Variants in CEP112 observed in about 807,000 individuals in gnomAD.
CEP112 encodes the protein centrosomal protein 112.
In CEP112, 127 loss-of-function variants were observed where a neutral mutation model predicts 153.0. The ratio of observed to expected loss-of-function variants is 0.83; its 90% CI spans 0.72 to 0.96. The LOEUF is 0.96. CEP112 is among the 40% of genes least tolerant of loss of function. The pLI is 0.00. For missense variants in CEP112, 1,089 were observed against 1,101.2 expected, an observed-to-expected ratio of 0.99 and a Z score of 0.16; for synonymous variants, 358 against 374.4, an observed-to-expected ratio of 0.96 and a Z score of 0.51.
At position 66,072,415 on chromosome 17, in the gene CEP112, T is replaced by C. The variant is rs907045835; in HGVS notation, c.769-2414A>G. The stretch of plus-strand genomic sequence containing the variant: ...ACCAAGAATCACGCATTGCTTTTAG[T>C]TGTCACATCAACTATTTATTTCTCC... On this transcript the variant is annotated intron_variant, in intron 8 of 26. Coordinates refer to ENST00000535342, the MANE Select transcript of CEP112 (RefSeq NM_001199165.4). Among the ~76,000 whole-genome samples the C allele has an allele frequency of 1.1e-4, 16 of 152,222 alleles. 1 individual carries two copies. In the South Asian group the frequency reaches 2.1e-3, roughly 20 times the overall value.
chr17:66,066,203 C>T (rs1244555489), intron 10 of CEP112, among the ~76,000 whole-genome samples: 1 of 152,198 alleles, frequency 6.6e-6, no homozygotes, highest in Non-Finnish European at 1.5e-5. Context: ...GTTACCTCCT[C>T]ATGCCGGACT....
intron 21 of CEP112, among the ~76,000 whole-genome samples, chr17:65,766,315 AG>A: frequency 7.0e-6 from 1 of 142,352 alleles, no homozygotes; most frequent in Admixed American, 7.2e-5. Context: ...AGTGTAAAAT[AG>A]TCAATTATTA....
chr17:65,704,430 C>CAA (rs2048810193), intron 23 of CEP112, among the ~76,000 whole-genome samples: 1 of 151,102 alleles, frequency 6.6e-6, no homozygotes, highest in Non-Finnish European at 1.5e-5. Context: ...TACACACACA[C>CAA]ACACACACAC....
rs571061863 is a variant in CEP112 at position 65,951,254 on chromosome 17, C to T, written c.1872+10209G>A. ...AGTAATACTGGCCTCACAGAATTAA[C>T]TGAGAAGTATTCCTTCTTCCTCAAT... On this transcript the variant is annotated intron_variant, in intron 18 of 26. Transcript: ENST00000535342. Among the ~76,000 whole-genome samples the T allele has an allele frequency of 7.2e-5, 11 of 152,250 alleles. No individual in the cohort carries two copies. The South Asian group carries it at 2.3e-3, about 32-fold the overall frequency.
intron 16 of CEP112, among the ~76,000 whole-genome samples, chr17:66,010,120 G>T (rs1439540459): frequency 1.3e-5 from 2 of 152,050 alleles, no homozygotes; most frequent in African/African-American, 4.8e-5. Context: ...ATTTATTTGT[G>T]TCATCTCTGA....
chr17:65,978,193 C>A (rs920981012), intron 17 of CEP112, among the ~76,000 whole-genome samples: 1 of 151,950 alleles, frequency 6.6e-6, no homozygotes, highest in African/African-American at 2.4e-5. Context: ...GAGGTTGAGG[C>A]TGCAGTGGGC....
intron 12 of CEP112, among the ~76,000 whole-genome samples, chr17:66,045,967 C>A (rs2066183565): frequency 6.6e-6 from 1 of 152,192 alleles, no homozygotes; most frequent in Admixed American, 6.5e-5. Flanking sequence ...ACACATGATA[C>A]CACAACAGAA....
In CEP112 at chr17:65,961,586, C is replaced by T. The variant is rs146665232; in HGVS notation, c.1749G>A (p.Glu583=). 5.0e-6 allele frequency: 8 copies of T among 1,611,358 alleles called. No individual in the cohort carries two copies. Among genetic ancestry groups the T allele is most frequent in the South Asian group, 1.1e-5 (1 of 90,826 alleles). ...GAACTTCAGTCACACGAGTTAGCTGCTCCTCTTTTTCCCTAGAAAGGTTCA... is the reference window on the plus strand; with the variant it reads ...GAACTTCAGTCACACGAGTTAGCTGTTCCTCTTTTTCCCTAGAAAGGTTCA... ...KFEEALKEKE[E]QLTRVTEVQR... The change falls in exon 18 of 27, where the codon GAG becomes GAA. Residue 583 remains glutamate, a synonymous_variant. Transcript: ENST00000535342.
intron 21 of CEP112, among the ~76,000 whole-genome samples, chr17:65,780,714 G>A (rs2053949359): frequency 6.6e-6 from 1 of 151,938 alleles, no homozygotes; most frequent in Admixed American, 6.6e-5. Flanking sequence ...TTACATGAGT[G>A]GCCATTCTGT....
At chr17:66,109,000 A>G (rs1390275060) in intron 6 of CEP112, among the ~76,000 whole-genome samples, 1 of 152,190 alleles carries the variant, frequency 6.6e-6, no homozygotes, top group Non-Finnish European at 1.5e-5. Flanking sequence ...AAGTTCTGCA[A>G]AATAAGCCAG....
intron 18 of CEP112, among the ~76,000 whole-genome samples, chr17:65,944,162 A>C (rs1166130425): frequency 6.6e-6 from 1 of 152,208 alleles, no homozygotes; most frequent in Non-Finnish European, 1.5e-5. Context: ...GAACAAAGAG[A>C]ACACATAGAC....
At chr17:66,082,803 CA>C (rs1179015034) in intron 8 of CEP112, among the ~76,000 whole-genome samples, 4 of 151,172 alleles carry the variant, frequency 2.6e-5, no homozygotes, top group Non-Finnish European at 5.9e-5. Context: ...CTGTAGCCAC[CA>C]AAACAAACCA....
At chr17:65,649,073 A>AACAAACAC (rs1378813988) in intron 24 of CEP112, among the ~76,000 whole-genome samples, 3 of 139,866 alleles carry the variant, frequency 2.1e-5, no homozygotes, top group Non-Finnish European at 3.2e-5. Flanking sequence ...CAAACAAACA[A>AACAAACAC]ACACACACAC....
intron 21 of CEP112, among the ~76,000 whole-genome samples, chr17:65,775,607 A>G (rs2053633000): frequency 6.6e-6 from 1 of 151,790 alleles, no homozygotes; most frequent in African/African-American, 2.4e-5. Context: ...GGTTCAATCT[A>G]TTCTCCTGTC....
chr17:65,810,444 C>T (rs1314360451), intron 21 of CEP112, among the ~76,000 whole-genome samples: 2 of 152,074 alleles, frequency 1.3e-5, no homozygotes. Context: ...TCTCCTCTAG[C>T]CATCGGTGAC....
chr17:65,748,452 A>C (rs888616913), intron 22 of CEP112, among the ~76,000 whole-genome samples: 6 of 152,294 alleles, frequency 3.9e-5, no homozygotes, highest in Admixed American at 1.3e-4. Flanking sequence ...GTGAACACCC[A>C]AAAACATGGT....
intron 23 of CEP112, among the ~76,000 whole-genome samples, chr17:65,713,989 G>A (rs1361229467): frequency 1.3e-5 from 2 of 152,042 alleles, no homozygotes; most frequent in East Asian, 1.9e-4. Context: ...TCTGTCAATT[G>A]GATTTTGTTT....
intron 4 of CEP112, among the ~76,000 whole-genome samples, chr17:66,171,666 T>C (rs1382578255): frequency 5.3e-5 from 8 of 152,252 alleles, no homozygotes; most frequent in Non-Finnish European, 1.2e-4. Context: ...ATTAGTTTCC[T>C]TGGCTTTAGC....
At chr17:65,825,101 T>C (rs2056775814) in intron 21 of CEP112, among the ~76,000 whole-genome samples, 1 of 152,206 alleles carries the variant, frequency 6.6e-6, no homozygotes, top group African/African-American at 2.4e-5. Context: ...GGCAGATGAA[T>C]GGATGAACAA....
Sources: allele counts gnomAD v4.1 joint callset (sites outside exome capture counted in the v4.1 genomes callset), GRCh38; gene constraint gnomAD v4.1.1; transcripts MANE v1.5; gene names NCBI Gene and HGNC (gene_info 2026-07-23, HGNC 2026-07-21).